STIM1: variants seen among roughly 807,000 people sequenced by gnomAD.
STIM1 encodes stromal interaction molecule 1.
In STIM1, 25 loss-of-function variants were observed where a neutral mutation model predicts 74.7. The observed-to-expected ratio is 0.33, with a 90% CI of 0.24 to 0.47. The LOEUF is 0.47. Among genes scored for constraint, STIM1 ranks in the 20% least tolerant of loss-of-function variants. The probability of loss-of-function intolerance (pLI) is 1.00; values close to 1 mark genes in which losing one functional copy is unlikely to be tolerated. For synonymous variants in STIM1, 328 were observed against 348.8 expected, an observed-to-expected ratio of 0.94 and a Z score of 0.66; for missense variants, 728 against 920.8, an observed-to-expected ratio of 0.79 and a Z score of 2.71.
chr11:3,991,387 T>C (rs1372899960), intron 2 of STIM1, among the ~76,000 whole-genome samples: 1 of 151,250 alleles, frequency 6.6e-6, no homozygotes, highest in Non-Finnish European at 1.5e-5. Flanking sequence ...CCTGGGCTGG[T>C]CTTGAACTCC....
At chr11:3,956,803 A>T in intron 1 of STIM1, among the ~76,000 whole-genome samples, 1 of 138,148 alleles carries the variant, frequency 7.2e-6, no homozygotes, top group Non-Finnish European at 1.5e-5. Flanking sequence ...AATCTGGGTG[A>T]CAGAGCAAGA....
intron 1 of STIM1, among the ~76,000 whole-genome samples, chr11:3,962,426 C>T (rs2093296431): frequency 6.7e-6 from 1 of 149,286 alleles, no homozygotes; most frequent in African/African-American, 2.5e-5. Flanking sequence ...TTTCATTCTT[C>T]TTTTATGGCT....
rs551920342 is a variant in STIM1, at chr11:4,047,637, AACAAAG to A, written c.386-7871_386-7866del. ...TTTCAAACAAAACAAAACAAAACAA[AACAAAG>A]ACAAAGACAAAGACAAAAAAAGAGT... On this transcript the variant is annotated intron_variant, in intron 3 of 12. Transcript: ENST00000526596. Among the ~76,000 whole-genome samples, 573 of 151,658 alleles carry A rather than the reference AACAAAG, an allele frequency of 3.8e-3. 1 individual carries two copies. The highest frequency in any genetic ancestry group is 8.2e-3 in the African/African-American group (339 of 41,290).
rs183096585 is a variant in STIM1 at position 4,013,806 on chromosome 11, G to A, written c.271-10067G>A. On this transcript the variant is annotated intron_variant, in intron 2 of 12. Coordinates refer to ENST00000526596, the MANE Select transcript of STIM1 (RefSeq NM_001382567.1). ...TGCAAGCTCCTCCTCCCGGTTTCAC[G>A]CCATTCTCCTGCCTCCGCCTCCCGA... Among the ~76,000 whole-genome samples the A allele has an allele frequency of 5.0e-3, 703 of 141,350 alleles. 4 individuals are homozygous for A. The highest frequency in any genetic ancestry group is 0.017 in the African/African-American group (654 of 37,456). The allele number at this position is 141,350 out of a possible 152,430, so 92.7% of individuals were successfully genotyped here.
chr11:3,858,685 C>G (rs538891073), intron 1 of STIM1, among the ~76,000 whole-genome samples: 1 of 152,264 alleles, frequency 6.6e-6, no homozygotes, highest in African/African-American at 2.4e-5. Flanking sequence ...CTCTGTATCC[C>G]CAGAACACAG....
At chr11:3,895,496 G>A (rs896392498) in intron 1 of STIM1, among the ~76,000 whole-genome samples, 9 of 152,010 alleles carry the variant, frequency 5.9e-5, no homozygotes, top group African/African-American at 1.9e-4. Context: ...TCAAACCAAC[G>A]GTCCTGTGAG....
At chr11:3,938,909 G>A (rs2092970151) in intron 1 of STIM1, among the ~76,000 whole-genome samples, 1 of 152,076 alleles carries the variant, frequency 6.6e-6, no homozygotes, top group Non-Finnish European at 1.5e-5. Context: ...ATGTGAGAAG[G>A]GGCAAGTGGC....
At chr11:4,051,224 C>T (rs1358431866) in intron 3 of STIM1, among the ~76,000 whole-genome samples, 1 of 152,128 alleles carries the variant, frequency 6.6e-6, no homozygotes, top group Non-Finnish European at 1.5e-5. Context: ...GCAACATGAG[C>T]ACTGAAGTTG....
chr11:3,862,005 T>A (rs907377988), intron 1 of STIM1, among the ~76,000 whole-genome samples: 6 of 152,122 alleles, frequency 3.9e-5, no homozygotes, highest in Admixed American at 6.5e-5. Context: ...AATGATTCTT[T>A]GGGAAACTCA....
intron 7 of STIM1, among the ~76,000 whole-genome samples, chr11:4,075,903 A>G (rs2094434478): frequency 1.3e-5 from 2 of 152,172 alleles, no homozygotes; most frequent in South Asian, 2.1e-4. Context: ...ATATAGTAGT[A>G]TCTTGTGATT....
chr11:3,857,181 A>G (rs1470598633), intron 1 of STIM1, among the ~76,000 whole-genome samples: 1 of 126,972 alleles, frequency 7.9e-6, no homozygotes, highest in Non-Finnish European at 1.6e-5. Flanking sequence ...GGTTTTTCCT[A>G]TGCAGTTGTG....
chr11:4,036,963 C>T (rs530179341), intron 3 of STIM1, among the ~76,000 whole-genome samples: 1 of 152,254 alleles, frequency 6.6e-6, no homozygotes, highest in South Asian at 2.1e-4. Flanking sequence ...GGGAGAAAAT[C>T]AGGTCATGTT....
rs983687646 is a variant in STIM1, at chr11:4,030,451, C to G, written c.385+6464C>G. ...GTCTAAACCATTTCAAAAGTCAGAT[C>G]CGTATGAAAGAGCTGGCAGCCCATT... On this transcript the variant is annotated intron_variant, in intron 3 of 12. Transcript: ENST00000526596. Among the ~76,000 whole-genome samples the G allele has an allele frequency of 3.9e-5, 6 of 152,096 alleles. No individual in the cohort carries two copies. The East Asian group carries it at 7.7e-4, about 19-fold the overall frequency.
intron 3 of STIM1, among the ~76,000 whole-genome samples, chr11:4,037,503 TTAAC>T (rs1032617041): frequency 3.3e-5 from 5 of 152,318 alleles, no homozygotes; most frequent in African/African-American, 1.2e-4. Flanking sequence ...TTCTTAGTGA[TTAAC>T]TGACCCCTTC....
intron 2 of STIM1, among the ~76,000 whole-genome samples, chr11:4,006,734 A>G (rs943780521): frequency 2.0e-5 from 3 of 152,156 alleles, no homozygotes; most frequent in Non-Finnish European, 2.9e-5. Flanking sequence ...CTTTATAGCA[A>G]TGTAATAATG....
intron 1 of STIM1, among the ~76,000 whole-genome samples, chr11:3,962,374 T>G (rs1014175641): frequency 6.6e-6 from 1 of 152,044 alleles, no homozygotes; most frequent in African/African-American, 2.4e-5. Flanking sequence ...TCACTTCAGA[T>G]AGCGGCCTCC....
chr11:3,929,814 A>G (rs527259287), intron 1 of STIM1, among the ~76,000 whole-genome samples: 11 of 152,288 alleles, frequency 7.2e-5, no homozygotes, highest in South Asian at 4.1e-4. Context: ...CCTAAATTGC[A>G]TGTCTCGGGC....
intron 2 of STIM1, among the ~76,000 whole-genome samples, chr11:4,019,758 T>A (rs751998071): frequency 6.6e-6 from 1 of 152,242 alleles, no homozygotes; most frequent in Non-Finnish European, 1.5e-5. Context: ...AAAATTAGTA[T>A]ATCTGTCATC....
intron 3 of STIM1, among the ~76,000 whole-genome samples, chr11:4,036,015 C>T (rs1400651186): frequency 6.6e-6 from 1 of 152,086 alleles, no homozygotes; most frequent in East Asian, 1.9e-4. Context: ...GCTTTCGCTC[C>T]TCCCACTCCC....
Sources: allele counts gnomAD v4.1 joint callset (sites outside exome capture counted in the v4.1 genomes callset), GRCh38; gene constraint gnomAD v4.1.1; transcripts MANE v1.5; gene names NCBI Gene and HGNC (gene_info 2026-07-23, HGNC 2026-07-21).